Variants in FSHR observed in about 807,000 individuals in gnomAD.
The protein encoded by FSHR is follicle stimulating hormone receptor.
A neutral mutation model predicts 52.1 loss-of-function variants in FSHR; 46 were observed. The observed-to-expected ratio is 0.88, with a 90% CI of 0.70 to 1.13. FSHR has a LOEUF of 1.13. FSHR is among the 50% of genes most tolerant of loss of function. FSHR has a pLI of 0.00. For synonymous variants in FSHR, 399 were observed against 309.6 expected, an observed-to-expected ratio of 1.29 and a Z score of -3.03; for missense variants, 964 against 834.6, an observed-to-expected ratio of 1.16 and a Z score of -1.91.
At chr2:48,972,423 T>C (rs937282463) in intron 8 of FSHR, among the ~76,000 whole-genome samples, 1 of 152,232 alleles carries the variant, frequency 6.6e-6, no homozygotes, top group East Asian at 1.9e-4. Context: ...TGAACCCTTG[T>C]CTCTTTGATG....
Position 49,147,728 on chromosome 2 carries a change from AT to A in FSHR, c.152+6537del, listed in dbSNP as rs531585721. ...GCATTCTATAGCTGTTCCTTTAGTC[AT>A]TTTTTTTTTTATTCTTCTGCAGGGA... On this transcript the variant is annotated intron_variant, in intron 1 of 9. Coordinates refer to ENST00000406846, the MANE Select transcript of FSHR (RefSeq NM_000145.4). Among the ~76,000 whole-genome samples the A allele has an allele frequency of 8.5e-3, 1,235 of 145,174 alleles. 5 individuals carry two copies. Among genetic ancestry groups the A allele is most frequent in the East Asian group, 0.023 (114 of 5,046 alleles).
intron 2 of FSHR, among the ~76,000 whole-genome samples, chr2:49,031,257 G>T (rs563195410): frequency 6.6e-6 from 1 of 152,274 alleles, no homozygotes; most frequent in African/African-American, 2.4e-5. Context: ...GGGGTCCTCT[G>T]TACCCCTATT....
intron 1 of FSHR, among the ~76,000 whole-genome samples, chr2:49,140,124 T>C (rs920755562): frequency 3.9e-5 from 6 of 152,130 alleles, no homozygotes; most frequent in African/African-American, 1.2e-4. Context: ...TTTGGACATT[T>C]GTCCACACCC....
intron 1 of FSHR, among the ~76,000 whole-genome samples, chr2:49,082,856 A>C (rs1053859817): frequency 4.6e-5 from 7 of 152,196 alleles, no homozygotes; most frequent in Non-Finnish European, 1.0e-4. Context: ...GAAAACACCA[A>C]ATCTACGTCT....
chr2:49,068,939 T>C (rs562885857), intron 1 of FSHR, among the ~76,000 whole-genome samples: 27 of 152,238 alleles, frequency 1.8e-4, no homozygotes, highest in African/African-American at 6.5e-4. Flanking sequence ...CTTTTTCCCC[T>C]TCTTTCCTGG....
At chr2:49,154,203 A>G (rs999475202) in intron 1 of FSHR, 63 bp downstream of exon 1, 48 of 1,531,280 alleles carry the variant, frequency 3.1e-5, no homozygotes, top group Non-Finnish European at 4.0e-5. Flanking sequence ...ATGTAAAAAT[A>G]ATAATAGTAC....
At chr2:49,081,415 T>A (rs185891199) in intron 1 of FSHR, among the ~76,000 whole-genome samples, 5 of 152,294 alleles carry the variant, frequency 3.3e-5, no homozygotes, top group Admixed American at 2.6e-4. Context: ...TGGTGTCTTA[T>A]GGGCATTTAT....
chr2:49,125,066 A>C (rs903000544), intron 1 of FSHR, among the ~76,000 whole-genome samples: 3 of 152,202 alleles, frequency 2.0e-5, no homozygotes, highest in Non-Finnish European at 4.4e-5. Context: ...TCGGATACCC[A>C]CATGGTTTGG....
chr2:49,082,460 C>T (rs1372352760), intron 1 of FSHR, among the ~76,000 whole-genome samples: 2 of 152,176 alleles, frequency 1.3e-5, no homozygotes, highest in East Asian at 1.9e-4. Context: ...CAAAGGAACG[C>T]AGTTCCTCAC....
chr2:49,135,988 A>G (rs530516171), intron 1 of FSHR, among the ~76,000 whole-genome samples: 1 of 152,142 alleles, frequency 6.6e-6, no homozygotes, highest in East Asian at 1.9e-4. Context: ...TCTACATAAA[A>G]GTCGCCCCAC....
In FSHR at chr2:48,982,968, A is replaced by G. The variant is rs745681973; in HGVS notation, c.612T>C (p.Asn204=). Residue 204 remains asparagine (N), a synonymous_variant, in exon 8 of 10, where the codon AAT becomes AAC. Coordinates refer to ENST00000406846, the MANE Select transcript of FSHR (RefSeq NM_000145.4). The part of the protein sequence containing the change: ...QLDELNLSDN[N]NLEELPNDVF... Reference sequence around the variant, plus strand: ...CATCATTAGGCAATTCTTCTAAATTATTATTATCGCTTAGATTCCTGGGGA... The same window carrying G: ...CATCATTAGGCAATTCTTCTAAATTGTTATTATCGCTTAGATTCCTGGGGA... 2 of 1,614,078 alleles carry G rather than the reference A, an allele frequency of 1.2e-6. No individual in the cohort carries two copies. Among genetic ancestry groups the G allele is most frequent in the Non-Finnish European group, 8.5e-7 (1 of 1,179,948 alleles).
At position 49,154,328 on chromosome 2, in the gene FSHR, A is replaced by G; in HGVS notation, c.90T>C (p.Phe30=). ...CTGTCACCTTGCTCTCTTGGCAGAGAAAAACCCTGTTAGAGCAGTGACAGA... is the reference window on the plus strand; with the variant it reads ...CTGTCACCTTGCTCTCTTGGCAGAGGAAAACCCTGTTAGAGCAGTGACAGA... The part of the protein sequence containing the change: ...HRICHCSNRV[F]LCQESKVTEI... The change falls in exon 1 of 10, where the codon TTT becomes TTC. Residue 30 remains phenylalanine, a synonymous_variant. Transcript: ENST00000406846. 2 of 1,613,934 alleles carry G rather than the reference A, an allele frequency of 1.2e-6. No homozygotes were observed. The highest frequency in any genetic ancestry group is 1.7e-6 in the Non-Finnish European group (2 of 1,179,912).
At chr2:49,057,746 T>C (rs1289399453) in intron 2 of FSHR, among the ~76,000 whole-genome samples, 1 of 152,150 alleles carries the variant, frequency 6.6e-6, no homozygotes, top group African/African-American at 2.4e-5. Context: ...CCAATATCCC[T>C]GATGAAGATA....
intron 6 of FSHR, among the ~76,000 whole-genome samples, chr2:48,986,839 G>T (rs778062861): frequency 6.6e-6 from 1 of 151,986 alleles, no homozygotes; most frequent in African/African-American, 2.4e-5. Context: ...TCTGTCTTAC[G>T]GTCTGGACAA....
In FSHR at chr2:49,154,506, G is replaced by A. The variant is rs578059873; in HGVS notation, c.-89C>T. On this transcript the variant is annotated 5_prime_UTR_variant, in exon 1 of 10. Coordinates refer to ENST00000406846, the MANE Select transcript of FSHR (RefSeq NM_000145.4). ...GAAGCTCCACACAGTGCCCTTATGA[G>A]AAGAGATCTGACTTGAGAACTGGTA... The A allele has an allele frequency of 3.0e-6, 4 of 1,331,604 alleles. No individual in the cohort carries two copies. The highest frequency in any genetic ancestry group is 4.2e-6 in the Non-Finnish European group (4 of 942,020). The allele number at this position is 1,331,604 out of a possible 1,614,324, so 82.5% of individuals were successfully genotyped here.
intron 1 of FSHR, among the ~76,000 whole-genome samples, chr2:49,106,017 A>G (rs556159832): frequency 4.6e-5 from 7 of 152,304 alleles, no homozygotes; most frequent in African/African-American, 1.7e-4. Flanking sequence ...TAAAATGGGC[A>G]TATGACTATC....
intron 1 of FSHR, among the ~76,000 whole-genome samples, chr2:49,127,822 TCTTC>T (rs1672087880): frequency 1.6e-5 from 1 of 63,676 alleles, no homozygotes; most frequent in African/African-American, 7.5e-5. Flanking sequence ...TTCTTCTTCT[TCTTC>T]TTCCTCTTCT....
At chr2:49,076,388 T>C (rs72822016) in intron 1 of FSHR, among the ~76,000 whole-genome samples, 6 of 152,246 alleles carry the variant, frequency 3.9e-5, no homozygotes, top group Non-Finnish European at 5.9e-5. Flanking sequence ...TTTAAAATCA[T>C]CAGATGTCAT....
intron 1 of FSHR, among the ~76,000 whole-genome samples, chr2:49,091,295 G>A (rs1338755618): frequency 1.3e-5 from 2 of 151,862 alleles, no homozygotes; most frequent in African/African-American, 4.8e-5. Context: ...TACGGTATGA[G>A]GTTTAGAACA....
Sources: gnomAD v4.1 joint callset for allele counts (sites outside exome capture counted in the v4.1 genomes callset) on GRCh38, gnomAD v4.1.1 for gene constraint, MANE v1.5 for transcripts, NCBI Gene and HGNC (gene_info 2026-07-23, HGNC 2026-07-21) for gene names.